The following NEK10 variants were observed in gnomAD, a reference collection of about 807,000 sequenced individuals.
NEK10 encodes serine/threonine-protein kinase Nek10.
A neutral mutation model predicts 159.8 loss-of-function variants in NEK10; 122 were observed. The ratio of observed to expected loss-of-function variants is 0.76; its 90% CI spans 0.66 to 0.89. NEK10 has a LOEUF of 0.89. NEK10 is among the 40% of genes least tolerant of loss of function. The pLI is 0.00. For synonymous variants in NEK10, 466 were observed against 457.1 expected (o/e 1.02, Z -0.25); for missense variants, 1,342 against 1,323.1 (o/e 1.01, Z -0.22).
intron 22 of NEK10, among the ~76,000 whole-genome samples, chr3:27,258,493 A>T (rs1462729801): frequency 6.6e-6 from 1 of 151,408 alleles, no homozygotes. Flanking sequence ...TTCTTGCGAT[A>T]GTTTGCTGAG....
At chr3:27,278,367 T>C (rs1250096981) in intron 22 of NEK10, among the ~76,000 whole-genome samples, 1 of 152,210 alleles carries the variant, frequency 6.6e-6, no homozygotes, top group Non-Finnish European at 1.5e-5. Flanking sequence ...AGGAAGGTAA[T>C]TGCTGAGTGA....
At chr3:27,362,543 A>G (rs1329075158) in intron 1 of NEK10, among the ~76,000 whole-genome samples, 2 of 151,594 alleles carry the variant, frequency 1.3e-5, no homozygotes, top group African/African-American at 2.4e-5. Flanking sequence ...AGGTAATTAT[A>G]TGAGGCAAGG....
intron 31 of NEK10, among the ~76,000 whole-genome samples, chr3:27,136,992 T>C (rs549649859): frequency 1.1e-4 from 17 of 152,258 alleles, no homozygotes; most frequent in Non-Finnish European, 2.4e-4. Context: ...CTTTCAGTCT[T>C]CCTTTGCAAT....
chr3:27,253,177 C>T (rs1397753288), intron 23 of NEK10, among the ~76,000 whole-genome samples: 1 of 152,000 alleles, frequency 6.6e-6, no homozygotes, highest in Non-Finnish European at 1.5e-5. Context: ...TATACTAAGC[C>T]ATAGACTAAT....
intron 1 of NEK10, among the ~76,000 whole-genome samples, chr3:27,364,348 T>TGTGTGTG: frequency 8.3e-6 from 1 of 120,658 alleles, no homozygotes; most frequent in South Asian, 3.4e-4. Context: ...GCCTGGCTAA[T>TGTGTGTG]TGTGTGTGTG....
intron 1 of NEK10, among the ~76,000 whole-genome samples, chr3:27,368,275 A>G (rs2049246005): frequency 6.6e-6 from 1 of 152,072 alleles, no homozygotes; most frequent in Non-Finnish European, 1.5e-5. Flanking sequence ...CTGGCAGCAC[A>G]GCAAGACTCC....
intron 23 of NEK10, among the ~76,000 whole-genome samples, chr3:27,211,920 T>G (rs533463036): frequency 2.6e-5 from 4 of 152,364 alleles, no homozygotes; most frequent in African/African-American, 9.6e-5. Flanking sequence ...TTCTGTGGCC[T>G]TAATAGGCTG....
At chr3:27,118,418 G>T (rs751715694) in intron 33 of NEK10, among the ~76,000 whole-genome samples, 5 of 152,220 alleles carry the variant, frequency 3.3e-5, no homozygotes, top group Non-Finnish European at 7.3e-5. Context: ...AGAGGCCTAG[G>T]CCACTTCTCT....
intron 23 of NEK10, among the ~76,000 whole-genome samples, chr3:27,223,964 A>T (rs1380614902): frequency 2.0e-5 from 3 of 152,172 alleles, no homozygotes; most frequent in Non-Finnish European, 4.4e-5. Context: ...CCCTGAAAAG[A>T]TATGTTGAAG....
chr3:27,341,734 G>A (rs1166671343), intron 5 of NEK10, among the ~76,000 whole-genome samples: 1 of 152,146 alleles, frequency 6.6e-6, no homozygotes, highest in Non-Finnish European at 1.5e-5. Flanking sequence ...ACACAGAAAG[G>A]AGGTGTCCAC....
intron 29 of NEK10, among the ~76,000 whole-genome samples, chr3:27,170,367 A>G (rs1441014619): frequency 6.6e-6 from 1 of 152,182 alleles, no homozygotes; most frequent in Non-Finnish European, 1.5e-5. Context: ...GGCTGCTCCT[A>G]GCTGAATATA....
At position 27,110,723 on chromosome 3, in the gene NEK10, A is replaced by G. The variant is rs562037442; in HGVS notation, c.*549T>C. 8 of 152,336 alleles carry G rather than the reference A, an allele frequency of 5.3e-5. No individual in the cohort carries two copies. The South Asian group carries it at 1.5e-3, about 28-fold the overall frequency. The allele number at this position is 152,336 out of a possible 1,614,324, so 9.4% of individuals were successfully genotyped here. On this transcript the variant is annotated 3_prime_UTR_variant, in exon 36 of 36. Transcript: ENST00000691995. ...TGGTTAAGCGAGAACCAACCCATCC[A>G]TTAAAAAAAAAAAAATTTAATCACG...
At chr3:27,264,999 T>C (rs1235262128) in intron 22 of NEK10, among the ~76,000 whole-genome samples, 2 of 152,136 alleles carry the variant, frequency 1.3e-5, no homozygotes, top group African/African-American at 4.8e-5. Context: ...AGGAAAACCA[T>C]GATCATCTCA....
chr3:27,261,157 G>C (rs2040378704), intron 22 of NEK10, among the ~76,000 whole-genome samples: 1 of 151,966 alleles, frequency 6.6e-6, no homozygotes, highest in Admixed American at 6.6e-5. Flanking sequence ...TTTTGTTGAT[G>C]TTTTCAAAAT....
chr3:27,162,503 G>T, intron 30 of NEK10, 198 bp downstream of exon 30: 1 of 1,614,138 alleles, frequency 6.2e-7, no homozygotes, highest in Non-Finnish European at 8.5e-7. Context: ...GGAAGGCTAT[G>T]GGACTGCCAC....
intron 26 of NEK10, among the ~76,000 whole-genome samples, chr3:27,184,777 A>G (rs1229573657): frequency 6.6e-6 from 1 of 152,228 alleles, no homozygotes; most frequent in Non-Finnish European, 1.5e-5. Flanking sequence ...AGACAATAAA[A>G]GCAAAGATGT....
chr3:27,131,839 GTTT>G, intron 32 of NEK10, 38 bp downstream of exon 32: 1 of 1,134,354 alleles, frequency 8.8e-7, no homozygotes, highest in Non-Finnish European at 1.3e-6. Flanking sequence ...TTATGATGTG[GTTT>G]TGTCAGCAAA....
At chr3:27,125,048 C>A (rs1443502755) in intron 32 of NEK10, among the ~76,000 whole-genome samples, 1 of 152,022 alleles carries the variant, frequency 6.6e-6, no homozygotes, top group Middle Eastern at 3.2e-3. Context: ...TGAATAGACA[C>A]CTACAGTTCT....
At position 27,131,980 on chromosome 3, in the gene NEK10, G is replaced by A. The variant is rs1341532623; in HGVS notation, c.2981C>T (p.Ala994Val). 6 of 1,570,930 alleles carry A rather than the reference G, an allele frequency of 3.8e-6. No homozygotes were observed. The South Asian group carries it at 6.7e-5, about 18-fold the overall frequency. ...KIIYITQLPP[A>V]LHHNLKRRVI... ...CCTTCTTTTCAAATTGTGGTGCAAA[G>A]CTGGAGGAAGCTGCATAAAATAAGA... The change falls in exon 32 of 36, where the codon GCT becomes GTT. Residue 994 changes from alanine to valine, a missense_variant. By Grantham distance (64) the Ala-to-Val change is moderately conservative (BLOSUM62 0). Coordinates refer to ENST00000691995, the MANE Select transcript of NEK10 (RefSeq NM_001394966.1).
Sources: allele counts gnomAD v4.1 joint callset (sites outside exome capture counted in the v4.1 genomes callset), GRCh38; gene constraint gnomAD v4.1.1; transcripts MANE v1.5; gene names NCBI Gene and HGNC (gene_info 2026-07-23, HGNC 2026-07-21).